PUM1: variants seen among roughly 807,000 people sequenced by gnomAD.
PUM1 encodes the protein pumilio homolog 1.
In PUM1, 13 loss-of-function variants were observed where a neutral mutation model predicts 131.8. The ratio of observed to expected loss-of-function variants is 0.10; its 90% CI spans 0.06 to 0.16. The LOEUF (loss-of-function observed/expected upper bound fraction) is 0.16, where lower values mean the gene tolerates loss of function less well. PUM1 is among the 10% of genes least tolerant of loss of function. The probability of loss-of-function intolerance (pLI) is 1.00; values close to 1 mark genes in which losing one functional copy is unlikely to be tolerated. For synonymous variants in PUM1, 509 were observed against 556.5 expected (o/e 0.91, Z 1.20); for missense variants, 961 against 1,512.4 (o/e 0.64, Z 6.05).
intron 10 of PUM1, among the ~76,000 whole-genome samples, chr1:30,971,337 A>G (rs1263752332): frequency 1.3e-5 from 2 of 152,236 alleles, no homozygotes; most frequent in Non-Finnish European, 2.9e-5. Flanking sequence ...ACTTAAAATC[A>G]GAAACTGGCA....
chr1:31,025,655 A>C (rs1205870647), intron 3 of PUM1, among the ~76,000 whole-genome samples: 2 of 145,792 alleles, frequency 1.4e-5, no homozygotes, highest in Non-Finnish European at 3.0e-5. Context: ...ACCTGGGTTC[A>C]AGTGATTCTC....
At chr1:30,952,976 A>T (rs1640009921) in intron 15 of PUM1, among the ~76,000 whole-genome samples, 1 of 150,782 alleles carries the variant, frequency 6.6e-6, no homozygotes, top group Non-Finnish European at 1.5e-5. Context: ...ACTCTGTCTC[A>T]AAAAAACAAA....
In PUM1 at chr1:30,941,997, C is replaced by T; in HGVS notation, c.3120+1G>A. Reference sequence around the variant, plus strand: ...AGTTCCTCTACTGGCAACTCCACTACCTGTACAAGCTGCTCTGTGTGCTGG... The same window carrying T: ...AGTTCCTCTACTGGCAACTCCACTATCTGTACAAGCTGCTCTGTGTGCTGG... On this transcript the variant is annotated splice_donor_variant, in intron 19 of 21. Coordinates refer to ENST00000426105, the MANE Select transcript of PUM1 (RefSeq NM_001020658.2). LOFTEE classifies it high-confidence loss of function. 6.4e-7 allele frequency: 1 copy of T among 1,568,390 alleles called. No homozygotes were observed. The highest frequency in any genetic ancestry group is 8.7e-7 in the Non-Finnish European group (1 of 1,151,364).
At chr1:31,017,926 TAAGCA>T (rs1293748761) in intron 3 of PUM1, among the ~76,000 whole-genome samples, 1 of 152,180 alleles carries the variant, frequency 6.6e-6, no homozygotes, top group Non-Finnish European at 1.5e-5. Context: ...ATTGGGAGTC[TAAGCA>T]AAGAGGCCAA....
At chr1:30,963,480 C>T (rs189042317) in intron 14 of PUM1, among the ~76,000 whole-genome samples, 7 of 152,268 alleles carry the variant, frequency 4.6e-5, no homozygotes, top group Admixed American at 2.6e-4. Flanking sequence ...CACACACATG[C>T]CAATGTGTAT....
intron 17 of PUM1, among the ~76,000 whole-genome samples, chr1:30,948,369 G>C (rs369928224): frequency 6.6e-6 from 1 of 152,052 alleles, no homozygotes; most frequent in African/African-American, 2.4e-5. Context: ...ATCTAGAGAA[G>C]AGTAAAATAA....
At chr1:30,943,542 G>A (rs187271420) in intron 18 of PUM1, among the ~76,000 whole-genome samples, 31 of 152,232 alleles carry the variant, frequency 2.0e-4, no homozygotes, top group East Asian at 1.9e-3. Context: ...GTGAACCACC[G>A]TGCCCGGCCA....
chr1:30,950,317 G>A, intron 16 of PUM1, 56 bp from the exon 17 acceptor site: 7 of 1,560,816 alleles, frequency 4.5e-6, no homozygotes, highest in Non-Finnish European at 6.1e-6. Context: ...ATAAACCAGA[G>A]AAAGCAAAGC....
At chr1:31,004,539 A>C (rs1277890649) in intron 5 of PUM1, among the ~76,000 whole-genome samples, 1 of 151,586 alleles carries the variant, frequency 6.6e-6, no homozygotes, top group Non-Finnish European at 1.5e-5. Flanking sequence ...TGTTCTTCCC[A>C]AGCAGCCCCT....
Position 30,981,292 on chromosome 1 carries a change from C to A in PUM1, c.1252+20G>T. 1 of 1,497,848 alleles carries A rather than the reference C, an allele frequency of 6.7e-7. No homozygotes were observed. The highest frequency in any genetic ancestry group is 9.1e-7 in the Non-Finnish European group (1 of 1,093,800). The allele number at this position is 1,497,848 out of a possible 1,614,324, so 92.8% of individuals were successfully genotyped here. On this transcript the variant is annotated intron_variant, in intron 8 of 21. Coordinates refer to ENST00000426105, the MANE Select transcript of PUM1 (RefSeq NM_001020658.2). ...GGCGGCCACACCTATCATGAAAGAG[C>A]TATGGGCTTAAGGACTTACCGATGT...
intron 2 of PUM1, among the ~76,000 whole-genome samples, chr1:31,035,641 C>T (rs914753486): frequency 6.6e-6 from 1 of 151,976 alleles, no homozygotes; most frequent in Admixed American, 6.6e-5. Flanking sequence ...ATCCCAGCTA[C>T]TCAGGAGGCT....
At position 30,981,360 on chromosome 1, in the gene PUM1, C is replaced by G; in HGVS notation, c.1204G>C (p.Ala402Pro). 6.2e-7 allele frequency: 1 copy of G among 1,605,222 alleles called. No homozygotes were observed. ...GCCAGTGCATACTGCTGCTGCTGAG[C>G]AGCTGTCAACTGCTGGACAGCAAGC... Reference protein sequence around the residue: ...NALAVQQLTAAQQQQYALAAA... With the variant: ...NALAVQQLTAPQQQQYALAAA... The change falls in exon 8 of 22, where the codon GCT becomes CCT. Residue 402 changes from alanine to proline, a missense_variant. Transcript: ENST00000426105.
intron 17 of PUM1, among the ~76,000 whole-genome samples, chr1:30,948,780 A>T (rs1347534892): frequency 1.0e-5 from 1 of 99,156 alleles, no homozygotes; most frequent in Non-Finnish European, 2.2e-5. Flanking sequence ...CAAGAAAATT[A>T]AAGAAGAACA....
intron 16 of PUM1, 29 bp downstream of exon 16, chr1:30,952,205 G>A (rs912793173): frequency 1.2e-6 from 2 of 1,607,192 alleles, no homozygotes; most frequent in Non-Finnish European, 1.7e-6. Context: ...ATTCTCTTAA[G>A]TCAAAGGATA....
intron 2 of PUM1, among the ~76,000 whole-genome samples, chr1:31,047,601 CAT>C (rs1334307300): frequency 6.6e-6 from 1 of 152,214 alleles, no homozygotes; most frequent in Admixed American, 6.5e-5. Context: ...GCACAAAAGA[CAT>C]GTGTGTCTTC....
chr1:30,936,868 CAA>C, intron 20 of PUM1, 33 bp from the exon 21 acceptor site: 4 of 1,528,980 alleles, frequency 2.6e-6, no homozygotes, highest in Non-Finnish European at 3.6e-6. Flanking sequence ...ACAACTCTTA[CAA>C]GAGAGGCCCC....
chr1:31,037,708 A>G (rs1643658995), intron 2 of PUM1, among the ~76,000 whole-genome samples: 1 of 151,996 alleles, frequency 6.6e-6, no homozygotes, highest in Non-Finnish European at 1.5e-5. Flanking sequence ...TTCAGTCTCA[A>G]AAAAAGAAAG....
chr1:31,049,649 C>T (rs1429526366), intron 2 of PUM1, among the ~76,000 whole-genome samples: 2 of 151,908 alleles, frequency 1.3e-5, no homozygotes, highest in African/African-American at 4.8e-5. Flanking sequence ...CACTTCTCTC[C>T]AGCCTAGGTG....
chr1:31,008,818 C>T (rs1191282932), intron 3 of PUM1, among the ~76,000 whole-genome samples: 6 of 151,986 alleles, frequency 3.9e-5, no homozygotes, highest in Admixed American at 3.3e-4. Context: ...GTAAACTATG[C>T]AAAGGACAAT....
Sources: allele counts gnomAD v4.1 joint callset (sites outside exome capture counted in the v4.1 genomes callset), GRCh38; gene constraint gnomAD v4.1.1; transcripts MANE v1.5; gene names NCBI Gene and HGNC (gene_info 2026-07-23, HGNC 2026-07-21).